Variants in ABTB3 observed in about 807,000 individuals in gnomAD.
ABTB3 encodes ankyrin repeat and BTB domain containing 3, also known as ankyrin repeat- and BTB/POZ domain-containing protein 3.
At chr12:107,608,956 T>TAAA in the ABTB3 span, among the ~76,000 whole-genome samples, 25 of 66,314 alleles carry the variant, frequency 3.8e-4, no homozygotes, top group African/African-American at 1.5e-3. Flanking sequence ...TAAAATAAAA[T>TAAA]ATAAAATAAA....
the ABTB3 span, among the ~76,000 whole-genome samples, chr12:107,508,524 G>A: frequency 1.5e-5 from 2 of 134,376 alleles, no homozygotes; most frequent in African/African-American, 5.5e-5. Flanking sequence ...GCATGATCTC[G>A]GCTCATTGCA....
chr12:107,375,344 G>C, the ABTB3 span, among the ~76,000 whole-genome samples: 5 of 152,124 alleles, frequency 3.3e-5, no homozygotes, highest in Admixed American at 2.0e-4. Flanking sequence ...CCTTAGCCCG[G>C]GAGATTAAGG....
the ABTB3 span, among the ~76,000 whole-genome samples, chr12:107,468,921 G>A: frequency 5.3e-5 from 8 of 152,062 alleles, no homozygotes; most frequent in East Asian, 5.8e-4. Context: ...CAACCATTCC[G>A]TGCCTCAGCT....
the ABTB3 span, among the ~76,000 whole-genome samples, chr12:107,496,528 C>T: frequency 2.0e-5 from 3 of 152,098 alleles, no homozygotes; most frequent in Admixed American, 6.6e-5. Context: ...CAAAGATGAC[C>T]GATAAAACAT....
chr12:107,649,305 T>C, the ABTB3 span: 3 of 1,592,842 alleles, frequency 1.9e-6, no homozygotes, highest in Non-Finnish European at 2.6e-6. Context: ...TTGGCTATCA[T>C]AGGTCCCTTG....
At chr12:107,576,732 G>GTCC in the ABTB3 span, among the ~76,000 whole-genome samples, 1 of 152,138 alleles carries the variant, frequency 6.6e-6, no homozygotes, top group African/African-American at 2.4e-5. Context: ...GCCCATGGAT[G>GTCC]TCCTCACTCC....
At chr12:107,618,006 C>G in the ABTB3 span, 1 of 673,876 alleles carries the variant, frequency 1.5e-6, no homozygotes, top group Non-Finnish European at 2.5e-6. Context: ...AATGTGGCAC[C>G]CACTGTTAGG....
chr12:107,458,732 C>T, the ABTB3 span, among the ~76,000 whole-genome samples: 1 of 152,148 alleles, frequency 6.6e-6, no homozygotes, highest in Non-Finnish European at 1.5e-5. Context: ...GGAAATCCAA[C>T]AGGCTGAGTT....
the ABTB3 span, among the ~76,000 whole-genome samples, chr12:107,469,669 G>A: frequency 6.6e-6 from 1 of 152,172 alleles, no homozygotes; most frequent in Non-Finnish European, 1.5e-5. Context: ...TCATAGGGTG[G>A]TTGTGAAGAT....
At chr12:107,382,001 T>G in the ABTB3 span, among the ~76,000 whole-genome samples, 43 of 152,332 alleles carry the variant, frequency 2.8e-4, no homozygotes, top group Non-Finnish European at 3.8e-4. Flanking sequence ...GTCTCCAGGC[T>G]GGAGATACAG....
At chr12:107,396,819 C>A in the ABTB3 span, among the ~76,000 whole-genome samples, 2 of 152,172 alleles carry the variant, frequency 1.3e-5, no homozygotes, top group African/African-American at 4.8e-5. Flanking sequence ...CTCCAGGCAG[C>A]CCTTGATCTT....
the ABTB3 span, among the ~76,000 whole-genome samples, chr12:107,505,469 T>C: frequency 6.6e-6 from 1 of 152,118 alleles, no homozygotes; most frequent in Non-Finnish European, 1.5e-5. Flanking sequence ...TGGAATTATT[T>C]TAAATCAGTG....
chr12:107,462,967 GTGGTGATAGTGATGA>G, the ABTB3 span, among the ~76,000 whole-genome samples: 1 of 150,690 alleles, frequency 6.6e-6, no homozygotes, highest in Non-Finnish European at 1.5e-5. Flanking sequence ...GATGATAATA[GTGGTGATAGTGATGA>G]TGGTGATAAT....
chr12:107,558,099 G>T, the ABTB3 span, among the ~76,000 whole-genome samples: 1 of 152,190 alleles, frequency 6.6e-6, no homozygotes, highest in East Asian at 1.9e-4. Context: ...TTTGAGGATT[G>T]GAAATTGGGA....
At chr12:107,559,064 A>G in the ABTB3 span, among the ~76,000 whole-genome samples, 1 of 152,216 alleles carries the variant, frequency 6.6e-6, no homozygotes, top group African/African-American at 2.4e-5. Flanking sequence ...TCTGACAGCC[A>G]GACAAGGCCT....
chr12:107,504,330 A>G, the ABTB3 span, among the ~76,000 whole-genome samples: 4,326 of 152,258 alleles, frequency 0.028, 208 homozygotes, highest in African/African-American at 0.098. Flanking sequence ...CGTTAACAGC[A>G]GCATTTAGTC....
the ABTB3 span, among the ~76,000 whole-genome samples, chr12:107,510,637 C>T: frequency 2.0e-5 from 3 of 152,008 alleles, no homozygotes; most frequent in East Asian, 1.9e-4. Flanking sequence ...TCTGATGGCT[C>T]GGCACAGTGG....
the ABTB3 span, among the ~76,000 whole-genome samples, chr12:107,572,614 C>T: frequency 6.6e-6 from 1 of 152,054 alleles, no homozygotes; most frequent in Non-Finnish European, 1.5e-5. Flanking sequence ...ACTGTGAGAG[C>T]CTGGAGCATG....
chr12:107,497,741 T>C, the ABTB3 span, among the ~76,000 whole-genome samples: 5 of 152,182 alleles, frequency 3.3e-5, no homozygotes, highest in Admixed American at 6.5e-5. Context: ...ATGTTCTTAT[T>C]CTCTAAATCC....
Sources: allele counts gnomAD v4.1 joint callset (sites outside exome capture counted in the v4.1 genomes callset), GRCh38; gene constraint gnomAD v4.1.1; transcripts MANE v1.5; gene names NCBI Gene and HGNC (gene_info 2026-07-23, HGNC 2026-07-21).